Variants in CNTN6 observed in about 807,000 individuals in gnomAD.
CNTN6 encodes the protein contactin-6.
A neutral mutation model predicts 122.8 loss-of-function variants in CNTN6; 137 were observed. That is an observed-to-expected ratio of 1.12 (90% confidence interval 0.97 to 1.29). CNTN6 has a LOEUF of 1.29. Among genes scored for constraint, CNTN6 ranks in the 50% most tolerant of loss-of-function variants. CNTN6 has a pLI of 0.00. For synonymous variants in CNTN6, 570 were observed against 426.0 expected (o/e 1.34, Z -4.16); for missense variants, 1,634 against 1,223.4 (o/e 1.34, Z -5.01).
In CNTN6 at chr3:1,264,941, G is replaced by C. The variant is rs143307990; in HGVS notation, c.359-13472G>C. Among the ~76,000 whole-genome samples, 1,258 of 150,346 alleles carry C rather than the reference G, an allele frequency of 8.4e-3. 6 individuals carry two copies. The highest frequency in any genetic ancestry group is 0.01 in the Non-Finnish European group (692 of 67,694). On this transcript the variant is annotated intron_variant, in intron 4 of 22. Coordinates refer to ENST00000446702, the MANE Select transcript of CNTN6 (RefSeq NM_001289080.2). Reference sequence around the variant, plus strand: ...ATGAATTTAACTTTTTTGATTCCTTGTATGAGTGAGATCATTTGGTATTTG... The same window carrying C: ...ATGAATTTAACTTTTTTGATTCCTTCTATGAGTGAGATCATTTGGTATTTG...
intron 2 of CNTN6, among the ~76,000 whole-genome samples, chr3:1,196,805 A>G (rs974258643): frequency 5.3e-5 from 8 of 152,170 alleles, no homozygotes; most frequent in Admixed American, 3.3e-4. Context: ...ATCACTAAAT[A>G]CCATGCATTA....
intron 2 of CNTN6, among the ~76,000 whole-genome samples, chr3:1,150,487 T>C (rs895266292): frequency 6.6e-6 from 1 of 152,202 alleles, no homozygotes; most frequent in Non-Finnish European, 1.5e-5. Flanking sequence ...GCTTTTACTA[T>C]AGTCATGGCC....
chr3:1,281,627 C>T (rs776943765), intron 5 of CNTN6, among the ~76,000 whole-genome samples: 3 of 152,086 alleles, frequency 2.0e-5, no homozygotes, highest in Admixed American at 6.5e-5. Context: ...ACCATGAACA[C>T]CTAATTTTTG....
chr3:1,281,784 C>G (rs1559699605), intron 5 of CNTN6, among the ~76,000 whole-genome samples: 1 of 152,114 alleles, frequency 6.6e-6, no homozygotes, highest in Non-Finnish European at 1.5e-5. Flanking sequence ...GTTCTGTTGT[C>G]TTTTTCAACA....
intron 1 of CNTN6, among the ~76,000 whole-genome samples, chr3:1,113,353 A>T (rs1320189267): frequency 6.6e-6 from 1 of 152,188 alleles, no homozygotes; most frequent in Non-Finnish European, 1.5e-5. Flanking sequence ...AATAAATGAG[A>T]GGCATATGTA....
At chr3:1,252,070 T>C (rs750817852) in intron 4 of CNTN6, among the ~76,000 whole-genome samples, 2 of 152,166 alleles carry the variant, frequency 1.3e-5, no homozygotes, top group Non-Finnish European at 2.9e-5. Context: ...TCCAATCCCA[T>C]CTATCACATA....
chr3:1,218,555 G>A (rs1460205657), intron 2 of CNTN6, among the ~76,000 whole-genome samples: 1 of 152,042 alleles, frequency 6.6e-6, no homozygotes, highest in Non-Finnish European at 1.5e-5. Context: ...ACCTGAGCAG[G>A]GGGAAGAGGA....
chr3:1,285,585 C>G (rs1222024443), intron 5 of CNTN6, among the ~76,000 whole-genome samples: 1 of 152,160 alleles, frequency 6.6e-6, no homozygotes, highest in Admixed American at 6.5e-5. Context: ...TGCAATACTT[C>G]AACGCATTTA....
chr3:1,195,612 G>A lies in CNTN6; in HGVS notation c.56-25075G>A, dbSNP rs191852161. 1.1e-4 allele frequency among the ~76,000 whole-genome samples: 17 copies of A among 152,152 alleles called. No homozygotes were observed. In the East Asian group the frequency reaches 2.9e-3, roughly 26 times the overall value. On this transcript the variant is annotated intron_variant, in intron 2 of 22. Coordinates refer to ENST00000446702, the MANE Select transcript of CNTN6 (RefSeq NM_001289080.2). Reference sequence around the variant, plus strand: ...ATCTTTATAGTTAATTGACTTTTTAGTAAAGAGTAACTGATTAAACTCATA... The same window carrying A: ...ATCTTTATAGTTAATTGACTTTTTAATAAAGAGTAACTGATTAAACTCATA...
intron 12 of CNTN6, 43 bp downstream of exon 12, chr3:1,352,494 A>T (rs1190876338): frequency 6.2e-7 from 1 of 1,603,404 alleles, no homozygotes; most frequent in Admixed American, 1.7e-5. Context: ...CATTGTAAAT[A>T]TGCAGGCATA....
At chr3:1,202,483 G>T (rs1256968402) in intron 2 of CNTN6, among the ~76,000 whole-genome samples, 11 of 151,934 alleles carry the variant, frequency 7.2e-5, no homozygotes, top group Non-Finnish European at 1.5e-4. Context: ...GGAGCTTGCA[G>T]TGAGCCAAGA....
At chr3:1,344,059 G>A (rs766756602) in intron 11 of CNTN6, among the ~76,000 whole-genome samples, 7 of 152,106 alleles carry the variant, frequency 4.6e-5, no homozygotes, top group East Asian at 1.9e-4. Flanking sequence ...GACCTGTATC[G>A]GGGCTGCGGT....
At chr3:1,259,055 G>GATTT (rs1272956514) in intron 4 of CNTN6, among the ~76,000 whole-genome samples, 2 of 152,120 alleles carry the variant, frequency 1.3e-5, no homozygotes, top group African/African-American at 4.8e-5. Flanking sequence ...CAGTGAGTAG[G>GATTT]ATTTAGCTCA....
At chr3:1,339,620 T>C (rs1280770231) in intron 11 of CNTN6, among the ~76,000 whole-genome samples, 1 of 152,110 alleles carries the variant, frequency 6.6e-6, no homozygotes, top group East Asian at 1.9e-4. Flanking sequence ...AGTGGGAATT[T>C]TTCCTGGAAG....
At chr3:1,212,160 T>C (rs2094048339) in intron 2 of CNTN6, among the ~76,000 whole-genome samples, 1 of 152,138 alleles carries the variant, frequency 6.6e-6, no homozygotes, top group Non-Finnish European at 1.5e-5. Flanking sequence ...TTCAACAATA[T>C]TGTACAATTT....
chr3:1,375,968 A>T (rs1169528261), intron 16 of CNTN6, among the ~76,000 whole-genome samples: 1 of 152,006 alleles, frequency 6.6e-6, no homozygotes, highest in Non-Finnish European at 1.5e-5. Flanking sequence ...TGAAATGAGG[A>T]ATTAAAACTT....
At chr3:1,382,147 T>C (rs535017964) in intron 17 of CNTN6, among the ~76,000 whole-genome samples, 3 of 151,632 alleles carry the variant, frequency 2.0e-5, no homozygotes, top group Non-Finnish European at 2.9e-5. Flanking sequence ...AAAAACCAAA[T>C]AAATTCCATT....
chr3:1,185,858 C>A (rs550720706), intron 2 of CNTN6, among the ~76,000 whole-genome samples: 2 of 152,210 alleles, frequency 1.3e-5, no homozygotes, highest in African/African-American at 4.8e-5. Context: ...GCGTTGATCA[C>A]ATTAAACACT....
chr3:1,335,249 T>A (rs1366988299), intron 11 of CNTN6, among the ~76,000 whole-genome samples: 1 of 152,164 alleles, frequency 6.6e-6, no homozygotes, highest in Non-Finnish European at 1.5e-5. Context: ...GTACACACAC[T>A]GCTACATTGG....
Sources: allele counts gnomAD v4.1 joint callset (sites outside exome capture counted in the v4.1 genomes callset), GRCh38; gene constraint gnomAD v4.1.1; transcripts MANE v1.5; gene names NCBI Gene and HGNC (gene_info 2026-07-23, HGNC 2026-07-21).